Variants in LSAMP observed in about 807,000 individuals in gnomAD.
The protein encoded by LSAMP is limbic system-associated membrane protein.
LSAMP carries 7 observed loss-of-function variants against 38.6 expected under a neutral mutation model. That is an observed-to-expected ratio of 0.18 (90% CI 0.10 to 0.34). LSAMP has a LOEUF of 0.34. Ranked by LOEUF, LSAMP falls within the 10% of genes least tolerant of loss-of-function variation. The pLI is 1.00. For missense variants in LSAMP, 313 were observed against 420.0 expected, an observed-to-expected ratio of 0.75 and a Z score of 2.23; for synonymous variants, 154 against 166.8, an observed-to-expected ratio of 0.92 and a Z score of 0.59.
intron 1 of LSAMP, among the ~76,000 whole-genome samples, chr3:116,428,287 G>A (rs1254898227): frequency 6.6e-6 from 1 of 152,022 alleles, no homozygotes; most frequent in Non-Finnish European, 1.5e-5. Flanking sequence ...GTGAAACCCC[G>A]TCTCTACTAA....
chr3:115,810,495 C>G, intron 6 of LSAMP, 81 bp from the exon 7 acceptor site: 2 of 962,606 alleles, frequency 2.1e-6, no homozygotes, highest in Non-Finnish European at 3.3e-6. Context: ...CTGATGGTAT[C>G]AGAGGTAAGA....
intron 3 of LSAMP, among the ~76,000 whole-genome samples, chr3:115,908,365 T>A (rs1937060638): frequency 6.6e-6 from 1 of 152,178 alleles, no homozygotes; most frequent in African/African-American, 2.4e-5. Flanking sequence ...TTAGTACATC[T>A]TATCTTGCTA....
chr3:116,379,586 T>C (rs1432171002), intron 1 of LSAMP, among the ~76,000 whole-genome samples: 2 of 152,056 alleles, frequency 1.3e-5, no homozygotes, highest in African/African-American at 4.8e-5. Context: ...GATCAAAATC[T>C]GTCGGGATCA....
At chr3:116,407,637 G>C (rs930242483) in intron 1 of LSAMP, among the ~76,000 whole-genome samples, 7 of 151,950 alleles carry the variant, frequency 4.6e-5, no homozygotes, top group Admixed American at 6.6e-5. Context: ...AGAAATTGTT[G>C]GTTATTGTTC....
intron 1 of LSAMP, among the ~76,000 whole-genome samples, chr3:116,332,843 C>T (rs1208020637): frequency 6.6e-6 from 1 of 151,834 alleles, no homozygotes; most frequent in Non-Finnish European, 1.5e-5. Flanking sequence ...CAGGATGGCT[C>T]TACTAGTATC....
chr3:116,176,014 A>G (rs1010259842), intron 1 of LSAMP, among the ~76,000 whole-genome samples: 6 of 152,132 alleles, frequency 3.9e-5, no homozygotes, highest in African/African-American at 1.2e-4. Flanking sequence ...AGGTCACCCA[A>G]TTTAACACTT....
chr3:115,805,789 G>A lies in LSAMP; in HGVS notation c.*4528C>T, dbSNP rs1437776181. On this transcript the variant is annotated 3_prime_UTR_variant, in exon 7 of 7. Transcript: ENST00000490035. ...CTTTTCTGCTAGTATGCACATAAAT[G>A]TAAACTCCATTTTGCATTTAGTGAG... The A allele has an allele frequency of 6.6e-6, 1 of 152,156 alleles. No individual in the cohort carries two copies. The highest frequency in any genetic ancestry group is 2.4e-5 in the African/African-American group (1 of 41,434). The allele number at this position is 152,156 out of a possible 1,614,324, so 9.4% of individuals were successfully genotyped here. A position where few individuals can be genotyped will look rare whatever the true frequency, so the allele number is the denominator to read the frequency against.
intron 1 of LSAMP, among the ~76,000 whole-genome samples, chr3:116,253,138 TTTC>T (rs753844961): frequency 3.3e-5 from 5 of 152,092 alleles, no homozygotes; most frequent in Non-Finnish European, 7.4e-5. Flanking sequence ...AGCTAGGAAT[TTTC>T]TTGATATATT....
intron 1 of LSAMP, among the ~76,000 whole-genome samples, chr3:116,182,040 G>T (rs564095148): frequency 1.3e-5 from 2 of 152,062 alleles, no homozygotes; most frequent in East Asian, 3.9e-4. Flanking sequence ...AGAACATGTT[G>T]TGTTTCAGTG....
intron 1 of LSAMP, among the ~76,000 whole-genome samples, chr3:116,416,276 CAT>C (rs1412576167): frequency 6.6e-6 from 1 of 152,110 alleles, no homozygotes; most frequent in African/African-American, 2.4e-5. Context: ...GACACCTACA[CAT>C]GTTTTGTACC....
intron 3 of LSAMP, among the ~76,000 whole-genome samples, chr3:115,970,853 A>G (rs534872748): frequency 6.6e-6 from 1 of 152,190 alleles, no homozygotes; most frequent in Non-Finnish European, 1.5e-5. Flanking sequence ...CTTTTCTTCC[A>G]CTGAATTCTG....
chr3:116,209,372 C>T (rs149574530), intron 1 of LSAMP, among the ~76,000 whole-genome samples: 2,069 of 152,324 alleles, frequency 0.014, 14 homozygotes, highest in Non-Finnish European at 0.021. Flanking sequence ...GCTTCGCTCA[C>T]GCTGGGAGCT....
rs1553709491 is a variant in LSAMP at position 116,164,760 on chromosome 3, ATTT to A, written c.156-78207_156-78205del. Among the ~76,000 whole-genome samples, 8 of 91,614 alleles carry A rather than the reference ATTT, an allele frequency of 8.7e-5. 1 individual carries two copies. Among genetic ancestry groups the A allele is most frequent in the African/African-American group, 1.5e-4 (3 of 20,012 alleles). 60.1% of individuals were successfully genotyped at this position (91,614 alleles called of 152,430 possible). A position where few individuals can be genotyped will look rare whatever the true frequency, so the allele number is the denominator to read the frequency against. On this transcript the variant is annotated intron_variant, in intron 1 of 6. Coordinates refer to ENST00000490035, the MANE Select transcript of LSAMP (RefSeq NM_002338.5). ...TATATATCCATATATATATATATATATTTTTTTTTTTTTTCAAGTAGCATCTAG... is the reference window on the plus strand; with the variant it reads ...TATATATCCATATATATATATATATATTTTTTTTTTTCAAGTAGCATCTAG...
intron 3 of LSAMP, among the ~76,000 whole-genome samples, chr3:115,912,269 GTTT>G (rs1937152274): frequency 6.6e-6 from 1 of 152,160 alleles, no homozygotes; most frequent in African/African-American, 2.4e-5. Flanking sequence ...AAGTTTTACA[GTTT>G]TACATTTACA....
Position 115,945,325 on chromosome 3 carries a change from A to G in LSAMP, c.514+74190T>C, listed in dbSNP as rs544575191. ...TTCACTGAAAGCATTCCTAGGATTA[A>G]TCTAGGTCAGAGCTTGGACTAAGGA... On this transcript the variant is annotated intron_variant, in intron 3 of 6. Coordinates refer to ENST00000490035, the MANE Select transcript of LSAMP (RefSeq NM_002338.5). Among the ~76,000 whole-genome samples, 519 of 152,254 alleles carry G rather than the reference A, an allele frequency of 3.4e-3. 2 individuals are homozygous for G. The highest frequency in any genetic ancestry group is 0.012 in the African/African-American group (487 of 41,562).
chr3:116,191,294 C>T (rs1000666323), intron 1 of LSAMP, among the ~76,000 whole-genome samples: 4 of 152,038 alleles, frequency 2.6e-5, no homozygotes, highest in Non-Finnish European at 4.4e-5. Context: ...TTTTGATTGG[C>T]TTGGGGTGAG....
chr3:115,931,362 A>G (rs1937578131), intron 3 of LSAMP, among the ~76,000 whole-genome samples: 1 of 152,192 alleles, frequency 6.6e-6, no homozygotes, highest in Non-Finnish European at 1.5e-5. Context: ...GTTGAGAAAG[A>G]CTTTCTTTGC....
chr3:116,130,484 A>G (rs9809229), intron 1 of LSAMP, among the ~76,000 whole-genome samples: 19,330 of 152,240 alleles, frequency 0.13, 1,477 homozygotes, highest in Non-Finnish European at 0.17. Flanking sequence ...TAAGCATTCA[A>G]TAAACAACAA....
At chr3:116,294,641 C>G (rs1330267738) in intron 1 of LSAMP, among the ~76,000 whole-genome samples, 1 of 152,036 alleles carries the variant, frequency 6.6e-6, no homozygotes, top group Non-Finnish European at 1.5e-5. Flanking sequence ...AAGTAACACA[C>G]AACGTTACAA....
Sources: allele counts gnomAD v4.1 joint callset (sites outside exome capture counted in the v4.1 genomes callset), GRCh38; gene constraint gnomAD v4.1.1; transcripts MANE v1.5; gene names NCBI Gene and HGNC (gene_info 2026-07-23, HGNC 2026-07-21).